SESN1: variants seen among roughly 807,000 people sequenced by gnomAD.
The protein encoded by SESN1 is sestrin 1.
Under a neutral mutation model 59.3 loss-of-function variants are expected in SESN1, and 30 were observed. The observed-to-expected ratio is 0.51, with a 90% CI of 0.38 to 0.69. SESN1 has a LOEUF of 0.69. Ranked by LOEUF, SESN1 falls within the 30% of genes least tolerant of loss-of-function variation. The pLI is 0.00. For synonymous variants in SESN1, 197 were observed against 219.9 expected, an observed-to-expected ratio of 0.90 and a Z score of 0.92; for missense variants, 566 against 673.0, an observed-to-expected ratio of 0.84 and a Z score of 1.76.
At chr6:108,989,424 G>GAT (rs113692625) in intron 8 of SESN1, among the ~76,000 whole-genome samples, 13,651 of 149,580 alleles carry the variant, frequency 0.091, 832 homozygotes, top group Middle Eastern at 0.19. Context: ...TAGATCTAGA[G>GAT]ATATATATCT....
intron 1 of SESN1, among the ~76,000 whole-genome samples, chr6:109,031,415 C>T (rs72937023): frequency 0.029 from 4,460 of 152,260 alleles, 113 homozygotes; most frequent in Non-Finnish European, 0.045. Flanking sequence ...TCCAGCCTCA[C>T]ACCACCACCA....
At chr6:109,019,243 TG>T (rs1278116552) in intron 1 of SESN1, among the ~76,000 whole-genome samples, 5 of 152,270 alleles carry the variant, frequency 3.3e-5, no homozygotes, top group African/African-American at 1.2e-4. Context: ...ATCTGTATCC[TG>T]GAACTCACAC....
chr6:109,030,138 T>C (rs1436872412), intron 1 of SESN1, among the ~76,000 whole-genome samples: 1 of 152,180 alleles, frequency 6.6e-6, no homozygotes, highest in Non-Finnish European at 1.5e-5. Flanking sequence ...CTCCACTGTC[T>C]AGTCCTGTGT....
chr6:108,991,418 T>A (rs1390750671), intron 7 of SESN1, among the ~76,000 whole-genome samples: 1 of 152,190 alleles, frequency 6.6e-6, no homozygotes, highest in African/African-American at 2.4e-5. Context: ...ACTTTTAAAA[T>A]TATTTGTAGA....
In SESN1 at chr6:109,002,413, G is replaced by A. The variant is rs998352312; in HGVS notation, c.280-70C>T. On this transcript the variant is annotated intron_variant, in intron 1 of 9. Coordinates refer to ENST00000436639, the MANE Select transcript of SESN1 (RefSeq NM_014454.3). ...AAATGAACTGAGGCTAAAGGAATGG[G>A]AGGGAAAAACAACCAGTCGAACAGA... 7 of 1,278,852 alleles carry A rather than the reference G, an allele frequency of 5.5e-6. No individual in the cohort carries two copies. In the Admixed American group the frequency reaches 1.2e-4, roughly 22 times the overall value. 79.2% of individuals were successfully genotyped at this position (1,278,852 alleles called of 1,614,324 possible).
At chr6:109,087,844 G>A (rs1333349679) in intron 1 of SESN1, among the ~76,000 whole-genome samples, 1 of 151,394 alleles carries the variant, frequency 6.6e-6, no homozygotes, top group African/African-American at 2.4e-5. Context: ...TAGACCAAGT[G>A]ATATATTATC....
intron 1 of SESN1, among the ~76,000 whole-genome samples, chr6:109,034,583 C>T (rs1201022087): frequency 6.6e-6 from 1 of 152,208 alleles, no homozygotes; most frequent in African/African-American, 2.4e-5. Context: ...TAGCTGGGCA[C>T]ATTGCCACTG....
chr6:109,002,436 AG>A, intron 1 of SESN1, 93 bp from the exon 2 acceptor site: 1 of 937,748 alleles, frequency 1.1e-6, no homozygotes, highest in Non-Finnish European at 1.7e-6. Flanking sequence ...CCAGTCGAAC[AG>A]AGACAGGCTT....
chr6:109,055,608 G>A (rs763314445), intron 1 of SESN1, among the ~76,000 whole-genome samples: 1 of 146,894 alleles, frequency 6.8e-6, no homozygotes, highest in Non-Finnish European at 1.5e-5. Context: ...GTTGCAGTGA[G>A]TGTAGATCAT....
intron 1 of SESN1, among the ~76,000 whole-genome samples, chr6:109,035,763 G>A (rs930016749): frequency 6.6e-5 from 10 of 152,060 alleles, no homozygotes; most frequent in African/African-American, 2.4e-4. Flanking sequence ...ACCACACCCA[G>A]CTAATTTATT....
At chr6:109,073,629 G>GA (rs770003109) in intron 1 of SESN1, among the ~76,000 whole-genome samples, 4 of 152,048 alleles carry the variant, frequency 2.6e-5, no homozygotes, top group Non-Finnish European at 5.9e-5. Context: ...ACACAAAGGG[G>GA]AAAAAACCCA....
At chr6:108,999,365 G>T (rs1779569357) in intron 4 of SESN1, among the ~76,000 whole-genome samples, 1 of 151,812 alleles carries the variant, frequency 6.6e-6, no homozygotes, top group African/African-American at 2.4e-5. Flanking sequence ...TTCAAATCTT[G>T]TATCTTCTTG....
Position 108,984,583 on chromosome 6 carries a change from C to A in SESN1, c.*2961G>T, listed in dbSNP as rs1315065381. Among the ~76,000 whole-genome samples, 1 of 152,214 alleles carries A rather than the reference C, an allele frequency of 6.6e-6. No homozygotes were observed. Among genetic ancestry groups the A allele is most frequent in the Non-Finnish European group, 1.5e-5 (1 of 68,040 alleles). Reference sequence around the variant, plus strand: ...CATTTCAGCATACAACATACATCAACATACAAATGTAGGGGAAGACACAAA... The same window carrying A: ...CATTTCAGCATACAACATACATCAAAATACAAATGTAGGGGAAGACACAAA... On this transcript the variant is annotated 3_prime_UTR_variant, in exon 10 of 10. Transcript: ENST00000436639.
chr6:109,037,621 G>A (rs1780269293), intron 1 of SESN1, among the ~76,000 whole-genome samples: 1 of 152,132 alleles, frequency 6.6e-6, no homozygotes, highest in Non-Finnish European at 1.5e-5. Context: ...TAATTCTATA[G>A]ATGAAGAAAT....
chr6:109,051,612 T>C (rs911757897), intron 1 of SESN1, among the ~76,000 whole-genome samples: 1 of 152,202 alleles, frequency 6.6e-6, no homozygotes, highest in African/African-American at 2.4e-5. Flanking sequence ...ACTGGTTTTC[T>C]TTTTTTCTGT....
chr6:109,064,621 AGGGGAGGG>A (rs1562472229), intron 1 of SESN1, among the ~76,000 whole-genome samples: 1 of 5,192 alleles, frequency 1.9e-4, no homozygotes, highest in African/African-American at 1.2e-3. Flanking sequence ...AGGGGAGGGG[AGGGGAGGG>A]GAGGGGAGAG....
At chr6:108,997,201 T>A (rs1779518364) in intron 5 of SESN1, among the ~76,000 whole-genome samples, 1 of 152,198 alleles carries the variant, frequency 6.6e-6, no homozygotes, top group Non-Finnish European at 1.5e-5. Flanking sequence ...GGAAGCTTAT[T>A]AGAGAAATAA....
intron 1 of SESN1, among the ~76,000 whole-genome samples, chr6:109,075,400 A>G (rs1781015855): frequency 6.6e-6 from 1 of 152,130 alleles, no homozygotes; most frequent in South Asian, 2.1e-4. Context: ...AAGTTATGGG[A>G]TGTTTTTTCC....
chr6:109,050,777 T>TA (rs930089643), intron 1 of SESN1, among the ~76,000 whole-genome samples: 4 of 152,076 alleles, frequency 2.6e-5, no homozygotes, highest in South Asian at 2.1e-4. Flanking sequence ...CATAAGGAAT[T>TA]AAAAAAATAC....
Sources: allele counts gnomAD v4.1 joint callset (sites outside exome capture counted in the v4.1 genomes callset), GRCh38; gene constraint gnomAD v4.1.1; transcripts MANE v1.5; gene names NCBI Gene and HGNC (gene_info 2026-07-23, HGNC 2026-07-21).